The following PATJ variants were observed in gnomAD, a reference collection of about 807,000 sequenced individuals.
The protein encoded by PATJ is inaD-like protein.
A neutral mutation model predicts 224.9 loss-of-function variants in PATJ; 190 were observed. The ratio of observed to expected loss-of-function variants is 0.84; its 90% CI spans 0.75 to 0.95. PATJ has a LOEUF of 0.95. PATJ is among the 40% of genes least tolerant of loss of function. The probability of loss-of-function intolerance (pLI) is 0.00; values close to 1 mark genes in which losing one functional copy is unlikely to be tolerated. For synonymous variants in PATJ, 769 were observed against 820.3 expected (o/e 0.94, Z 1.07); for missense variants, 2,121 against 2,270.3 (o/e 0.93, Z 1.34).
intron 25 of PATJ, among the ~76,000 whole-genome samples, chr1:61,909,168 C>T (rs150371791): frequency 0.023 from 3,440 of 152,018 alleles, 76 homozygotes; most frequent in Middle Eastern, 0.027. Context: ...TTAGTAGAGA[C>T]GAGGTTTCAC....
At position 61,936,430 on chromosome 1, in the gene PATJ, A is replaced by AC. The variant is rs1309336902; in HGVS notation, c.3670+8603dup. Among the ~76,000 whole-genome samples the AC allele has an allele frequency of 3.4e-5, 3 of 87,794 alleles. No homozygotes were observed. The East Asian group carries it at 1.4e-3, about 41-fold the overall frequency. 57.6% of individuals were successfully genotyped at this position (87,794 alleles called of 152,430 possible). A position where few individuals can be genotyped will look rare whatever the true frequency, so the allele number is the denominator to read the frequency against. ...AGCTCACCTCCTCTCCTCTTCCAAG[A>AC]CCAAAAAAAAAAAAAAAAAAAGCCG... On this transcript the variant is annotated intron_variant, in intron 27 of 43. Transcript: ENST00000642238.
At chr1:61,842,990 A>G (rs894131821) in intron 17 of PATJ, among the ~76,000 whole-genome samples, 6 of 152,132 alleles carry the variant, frequency 3.9e-5, no homozygotes, top group African/African-American at 1.4e-4. Context: ...CTGTTTGTTC[A>G]AGGTGTGATG....
intron 12 of PATJ, among the ~76,000 whole-genome samples, chr1:61,803,747 T>A (rs766971667): frequency 1.3e-5 from 2 of 152,198 alleles, no homozygotes; most frequent in Non-Finnish European, 2.9e-5. Context: ...TTCACTACGT[T>A]TTTTTCTTCT....
chr1:62,161,248 G>A lies in PATJ; in HGVS notation c.*194G>A, dbSNP rs1669809070. ...AACAATCATCTCCTAATGTTTCCCA[G>A]TTCCTGTCACCTGTTGGCGAGGTTG... is the stretch of plus-strand genomic sequence containing the variant. On this transcript the variant is annotated 3_prime_UTR_variant, in exon 44 of 44. Coordinates refer to ENST00000642238, the MANE Select transcript of PATJ (RefSeq NM_001350145.3). 5.2e-6 allele frequency: 2 copies of A among 386,934 alleles called. No individual in the cohort carries two copies. Among genetic ancestry groups the A allele is most frequent in the African/African-American group, 2.1e-5 (1 of 48,092 alleles). 24.0% of individuals were successfully genotyped at this position (386,934 alleles called of 1,614,324 possible).
chr1:61,973,271 A>G (rs1042014058), intron 27 of PATJ, among the ~76,000 whole-genome samples: 9 of 152,012 alleles, frequency 5.9e-5, no homozygotes, highest in Non-Finnish European at 1.3e-4. Context: ...TAAAGATGAC[A>G]CAACAAAATA....
At chr1:62,031,488 G>C (rs944261855) in intron 29 of PATJ, among the ~76,000 whole-genome samples, 2 of 152,210 alleles carry the variant, frequency 1.3e-5, no homozygotes, top group Non-Finnish European at 2.9e-5. Context: ...AATGTGGACA[G>C]ATTGCAGTTA....
At chr1:62,012,302 T>C (rs1646501091) in intron 28 of PATJ, among the ~76,000 whole-genome samples, 1 of 152,222 alleles carries the variant, frequency 6.6e-6, no homozygotes, top group Non-Finnish European at 1.5e-5. Flanking sequence ...TAAAGCACCT[T>C]GGGCAAATTA....
rs1257534225 is a variant in PATJ at position 61,833,732 on chromosome 1, G to A, written c.2059G>A (p.Val687Ile). 6.2e-7 allele frequency: 1 copy of A among 1,613,524 alleles called. No homozygotes were observed. The highest frequency in any genetic ancestry group is 1.3e-5 in the African/African-American group (1 of 74,882). Reference protein sequence around the residue: ...LALWSPEVKIVELVKDCKGLG... With the variant: ...LALWSPEVKIIELVKDCKGLG... The stretch of plus-strand genomic sequence containing the variant: ...ACTGTGGTCCCCTGAAGTCAAGATT[G>A]TTGAACTAGTAAAAGATTGTAAAGG... Residue 687 changes from valine (V) to isoleucine (I), a missense_variant, in exon 17 of 44, where the codon GTT becomes ATT. Val to Ile is a conservative substitution (Grantham distance 29). Transcript: ENST00000642238.
chr1:61,988,442 C>T (rs1398775568), intron 27 of PATJ, among the ~76,000 whole-genome samples: 1 of 152,192 alleles, frequency 6.6e-6, no homozygotes, highest in African/African-American at 2.4e-5. Flanking sequence ...ATTCAAGTAC[C>T]CACACAGCAT....
At chr1:61,953,465 G>A (rs1680012397) in intron 27 of PATJ, among the ~76,000 whole-genome samples, 1 of 152,190 alleles carries the variant, frequency 6.6e-6, no homozygotes. Flanking sequence ...TATAATTTCT[G>A]AAGATATCCC....
intron 41 of PATJ, among the ~76,000 whole-genome samples, chr1:62,140,512 G>A (rs906829633): frequency 2.0e-5 from 3 of 152,048 alleles, no homozygotes; most frequent in African/African-American, 4.8e-5. Context: ...AATTAGCTGT[G>A]TGTGGTGGCA....
At chr1:61,763,958 G>T (rs1245453959) in intron 3 of PATJ, among the ~76,000 whole-genome samples, 1 of 151,846 alleles carries the variant, frequency 6.6e-6, no homozygotes, top group African/African-American at 2.4e-5. Context: ...TTGCCCAGGC[G>T]TATTTTCCTT....
intron 17 of PATJ, among the ~76,000 whole-genome samples, chr1:61,853,519 A>T (rs1663164297): frequency 6.6e-6 from 1 of 152,302 alleles, no homozygotes; most frequent in Non-Finnish European, 1.5e-5. Flanking sequence ...ATAAGCTATT[A>T]TGTAGTCTCC....
At chr1:62,041,355 T>G (rs987928630) in intron 30 of PATJ, among the ~76,000 whole-genome samples, 3 of 152,194 alleles carry the variant, frequency 2.0e-5, no homozygotes, top group Non-Finnish European at 2.9e-5. Context: ...GGATCCTTCC[T>G]TTTTAGAGTG....
intron 28 of PATJ, among the ~76,000 whole-genome samples, chr1:61,995,161 T>G (rs1372809769): frequency 5.3e-5 from 8 of 152,172 alleles, no homozygotes; most frequent in Admixed American, 5.2e-4. Context: ...CTGCATTATA[T>G]GGGAAGCATT....
rs1553236113 is a variant in PATJ at position 61,997,982 on chromosome 1, T to TTA, written c.3867+7624_3867+7625dup. 1.1e-3 allele frequency among the ~76,000 whole-genome samples: 126 copies of TTA among 118,290 alleles called. 2 individuals are homozygous for TTA. The East Asian group carries it at 0.02, about 18-fold the overall frequency. 77.6% of individuals were successfully genotyped at this position (118,290 alleles called of 152,430 possible). Reference sequence around the variant, plus strand: ...ATAGGTGCATGCCACTGTGCCCAGCTTATATATGTATATATAATATATTAT... The same window carrying TTA: ...ATAGGTGCATGCCACTGTGCCCAGCTTATATATATGTATATATAATATATTAT... On this transcript the variant is annotated intron_variant, in intron 28 of 43. Coordinates refer to ENST00000642238, the MANE Select transcript of PATJ (RefSeq NM_001350145.3).
At chr1:61,842,410 A>T (rs562925758) in intron 17 of PATJ, among the ~76,000 whole-genome samples, 17 of 152,286 alleles carry the variant, frequency 1.1e-4, no homozygotes, top group Admixed American at 5.9e-4. Context: ...AATAACAGGC[A>T]AGCAGCAAAT....
intron 42 of PATJ, among the ~76,000 whole-genome samples, chr1:62,152,562 A>T (rs911786741): frequency 5.9e-5 from 9 of 151,928 alleles, no homozygotes; most frequent in Non-Finnish European, 2.9e-5. Context: ...AAGGCAGGAG[A>T]ATTGCTTGAA....
intron 27 of PATJ, among the ~76,000 whole-genome samples, chr1:61,980,292 A>G (rs886369120): frequency 6.6e-6 from 1 of 152,068 alleles, no homozygotes; most frequent in Non-Finnish European, 1.5e-5. Flanking sequence ...GTCAAAAAAA[A>G]TAAAAAATAA....
Sources: gnomAD v4.1 joint callset for allele counts (sites outside exome capture counted in the v4.1 genomes callset) on GRCh38, gnomAD v4.1.1 for gene constraint, MANE v1.5 for transcripts, NCBI Gene and HGNC (gene_info 2026-07-23, HGNC 2026-07-21) for gene names.